CFAP69: variants seen among roughly 807,000 people sequenced by gnomAD.
CFAP69 encodes cilia and flagella associated protein 69, also known as cilia- and flagella-associated protein 69.
CFAP69 carries 92 observed loss-of-function variants against 123.0 expected under a neutral mutation model. That is an observed-to-expected ratio of 0.75 (90% CI 0.63 to 0.89). The LOEUF is 0.89. Ranked by LOEUF, CFAP69 falls within the 40% of genes least tolerant of loss-of-function variation. The pLI is 0.00. For synonymous variants in CFAP69, 380 were observed against 364.3 expected (o/e 1.04, Z -0.49); for missense variants, 1,067 against 1,096.9 (o/e 0.97, Z 0.39).
intron 5 of CFAP69, chr7:90,265,903 G>A (rs1799093763): frequency 6.6e-6 from 1 of 152,078 alleles, no homozygotes; most frequent in African/African-American, 2.4e-5. Flanking sequence ...TTATGTATGG[G>A]TTATCACTTG....
chr7:90,290,788 T>G (rs1791045321), intron 15 of CFAP69, among the ~76,000 whole-genome samples: 3 of 132,078 alleles, frequency 2.3e-5, no homozygotes, highest in African/African-American at 6.3e-5. Flanking sequence ...TTCTTTTCTT[T>G]TCTTTTCTTT....
intron 16 of CFAP69, among the ~76,000 whole-genome samples, chr7:90,298,174 C>T (rs1162265834): frequency 1.3e-5 from 2 of 152,178 alleles, no homozygotes; most frequent in African/African-American, 4.8e-5. Flanking sequence ...TTAATAACTT[C>T]TAGTTTCTTC....
At chr7:90,274,131 A>T in intron 9 of CFAP69, 21 bp downstream of exon 9, 4 of 1,586,758 alleles carry the variant, frequency 2.5e-6, no homozygotes, top group Non-Finnish European at 3.4e-6. Flanking sequence ...ATCAAATTGC[A>T]TTAATTTTAA....
intron 6 of CFAP69, chr7:90,269,024 A>G (rs1186096910): frequency 6.6e-6 from 1 of 152,038 alleles, no homozygotes; most frequent in African/African-American, 2.4e-5. Context: ...TGGTAGTTCA[A>G]AAGAAAGATT....
At chr7:90,283,685 T>C (rs1789826563) in intron 13 of CFAP69, among the ~76,000 whole-genome samples, 1 of 152,166 alleles carries the variant, frequency 6.6e-6, no homozygotes, top group Non-Finnish European at 1.5e-5. Flanking sequence ...TTGCCTTTTG[T>C]TATTTAAAAA....
At chr7:90,284,175 T>C (rs1158156916) in intron 13 of CFAP69, among the ~76,000 whole-genome samples, 1 of 152,108 alleles carries the variant, frequency 6.6e-6, no homozygotes, top group African/African-American at 2.4e-5. Flanking sequence ...TCTTAGAACC[T>C]TTTCCCTTTA....
chr7:90,322,337 C>T, the CFAP69 span: 1 of 152,368 alleles, frequency 6.6e-6, no homozygotes, highest in South Asian at 2.1e-4. Flanking sequence ...CTGCTGTAGA[C>T]TTCCAAGTGT....
At chr7:90,309,464 AT>A in intron 22 of CFAP69, 97 bp downstream of exon 22, 1 of 571,786 alleles carries the variant, frequency 1.7e-6, no homozygotes, top group South Asian at 4.5e-5. Flanking sequence ...AATTTTACCC[AT>A]TAAATGGATG....
At chr7:90,246,751 T>C (rs1562827750) in intron 1 of CFAP69, among the ~76,000 whole-genome samples, 1 of 151,650 alleles carries the variant, frequency 6.6e-6, no homozygotes, top group African/African-American at 2.4e-5. Context: ...AACTGATGGC[T>C]CTCAGTCTTC....
chr7:90,300,515 ATT>A (rs1221589073), intron 17 of CFAP69: 1 of 692,142 alleles, frequency 1.4e-6, no homozygotes, highest in African/African-American at 1.9e-5. Flanking sequence ...GAAAGAAGAT[ATT>A]GTTTCCTAAA....
In CFAP69 at chr7:90,282,937, G is replaced by A. The variant is rs751517566; in HGVS notation, c.1418G>A (p.Arg473Gln). Residue 473 changes from arginine (R) to glutamine (Q), a missense_variant, in exon 13 of 23, where the codon CGA becomes CAA. Transcript: ENST00000389297. The stretch of plus-strand genomic sequence containing the variant: ...AACAGTTTTCATGGTACAGGTGGCC[G>A]AGGCAACAAGTTTGCCCAGATGCGT... Reference protein sequence around the residue: ...HGNSFHGTGGRGNKFAQMRYS... With the variant: ...HGNSFHGTGGQGNKFAQMRYS... 84 of 1,582,544 alleles carry A rather than the reference G, an allele frequency of 5.3e-5. No individual in the cohort carries two copies. Among genetic ancestry groups the A allele is most frequent in the South Asian group, 9.4e-5 (8 of 85,320 alleles).
intron 15 of CFAP69, among the ~76,000 whole-genome samples, chr7:90,288,750 G>A (rs1198064834): frequency 1.3e-5 from 2 of 152,114 alleles, no homozygotes. Context: ...GTGAGTGAAT[G>A]GGGAATGAAT....
At chr7:90,323,012 T>G in the CFAP69 span, among the ~76,000 whole-genome samples, 87 of 152,332 alleles carry the variant, frequency 5.7e-4, no homozygotes, top group Admixed American at 9.8e-4. Context: ...AAATGAAGCT[T>G]AACAAAAATT....
At chr7:90,290,979 G>A (rs748419334) in intron 15 of CFAP69, among the ~76,000 whole-genome samples, 93 of 152,004 alleles carry the variant, frequency 6.1e-4, no homozygotes, top group Admixed American at 1.1e-3. Context: ...AAGTAGCCCC[G>A]GCAGCAGCTT....
At chr7:90,260,030 G>A (rs1198735575) in intron 3 of CFAP69, among the ~76,000 whole-genome samples, 2 of 152,106 alleles carry the variant, frequency 1.3e-5, no homozygotes, top group Admixed American at 6.5e-5. Context: ...GGATGGCTTG[G>A]AATGCAGCCC....
intron 1 of CFAP69, among the ~76,000 whole-genome samples, chr7:90,247,900 T>C (rs1293588163): frequency 6.6e-6 from 1 of 152,132 alleles, no homozygotes; most frequent in African/African-American, 2.4e-5. Flanking sequence ...ACTTATACAA[T>C]AATATAGAGA....
Position 90,306,993 on chromosome 7 carries a change from A to G in CFAP69, c.2358A>G (p.Thr786=), listed in dbSNP as rs751011456. The G allele has an allele frequency of 3.1e-6, 5 of 1,612,208 alleles. No individual in the cohort carries two copies. The Admixed American group carries it at 5.0e-5, about 16-fold the overall frequency. Residue 786 remains threonine (T), a synonymous_variant, in exon 20 of 23, where the codon ACA becomes ACG. Coordinates refer to ENST00000389297, the MANE Select transcript of CFAP69 (RefSeq NM_001039706.3). ...TTDKKALEAI[T]TASENIGKMV... ...ATAAAAAAGCTTTGGAAGCTATTAC[A>G]ACAGCATCAGAAAATATTGGAAAGA...
the CFAP69 span, chr7:90,319,660 T>C: frequency 7.5e-6 from 3 of 398,616 alleles, no homozygotes; most frequent in Non-Finnish European, 1.3e-5. Context: ...AAGCACTCCT[T>C]TTTGAAACTC....
intron 21 of CFAP69, among the ~76,000 whole-genome samples, chr7:90,308,960 G>A (rs1366578286): frequency 6.6e-6 from 1 of 152,006 alleles, no homozygotes; most frequent in South Asian, 2.1e-4. Flanking sequence ...TAAATTATGT[G>A]CTAAAAATTG....
Sources: gnomAD v4.1 joint callset for allele counts (sites outside exome capture counted in the v4.1 genomes callset) on GRCh38, gnomAD v4.1.1 for gene constraint, MANE v1.5 for transcripts, NCBI Gene and HGNC (gene_info 2026-07-23, HGNC 2026-07-21) for gene names.